TSHZ2: variants seen among roughly 807,000 people sequenced by gnomAD.
TSHZ2 encodes teashirt zinc finger homeobox 2.
A neutral mutation model predicts 74.4 loss-of-function variants in TSHZ2; 21 were observed. The ratio of observed to expected loss-of-function variants is 0.28; its 90% CI spans 0.20 to 0.41. The LOEUF (loss-of-function observed/expected upper bound fraction) is 0.41. Among genes scored for constraint, TSHZ2 ranks in the 10% least tolerant of loss-of-function variants. The pLI, the probability that TSHZ2 is intolerant of heterozygous loss-of-function variation, is 1.00. For missense variants in TSHZ2, 1,244 were observed against 1,293.5 expected (o/e 0.96, Z 0.59); for synonymous variants, 540 against 515.3 (o/e 1.05, Z -0.65).
chr20:53,142,511 A>G (rs1170826442), intron 1 of TSHZ2, among the ~76,000 whole-genome samples: 1 of 152,376 alleles, frequency 6.6e-6, no homozygotes. Flanking sequence ...GAGTTCCAAT[A>G]CAAGCACAGG....
intron 1 of TSHZ2, among the ~76,000 whole-genome samples, chr20:53,202,492 C>T (rs975123642): frequency 2.0e-5 from 3 of 151,994 alleles, no homozygotes; most frequent in Non-Finnish European, 2.9e-5. Flanking sequence ...TAGAATTTAG[C>T]GAACACTTAC....
At chr20:52,975,209 G>A (rs1229575732) in intron 1 of TSHZ2, among the ~76,000 whole-genome samples, 1 of 151,998 alleles carries the variant, frequency 6.6e-6, no homozygotes, top group Non-Finnish European at 1.5e-5. Flanking sequence ...GAGAACCCTG[G>A]GCTACGGTCC....
intron 1 of TSHZ2, among the ~76,000 whole-genome samples, chr20:53,017,877 A>G (rs1469465471): frequency 1.3e-5 from 2 of 152,190 alleles, no homozygotes; most frequent in Non-Finnish European, 1.5e-5. Flanking sequence ...CTCTTTCACA[A>G]TAGACTATGT....
intron 1 of TSHZ2, among the ~76,000 whole-genome samples, chr20:53,109,730 T>C (rs1395227007): frequency 1.3e-5 from 2 of 152,226 alleles, no homozygotes; most frequent in African/African-American, 4.8e-5. Flanking sequence ...CTGGTTATGA[T>C]AGAAACAGAA....
At chr20:53,474,100 A>G (rs1985916550) in intron 2 of TSHZ2, among the ~76,000 whole-genome samples, 2 of 150,392 alleles carry the variant, frequency 1.3e-5, no homozygotes, top group South Asian at 4.3e-4. Flanking sequence ...ATTATCCAGG[A>G]GAACTTCCCC....
At chr20:53,193,541 C>A (rs2123551614) in intron 1 of TSHZ2, among the ~76,000 whole-genome samples, 1 of 152,154 alleles carries the variant, frequency 6.6e-6, no homozygotes, top group African/African-American at 2.4e-5. Context: ...ATGACTGGAA[C>A]CAGATCTGTC....
At chr20:53,399,961 T>C (rs1019611720) in intron 2 of TSHZ2, 2 of 152,260 alleles carry the variant, frequency 1.3e-5, no homozygotes, top group Admixed American at 6.5e-5. Flanking sequence ...GGCCACTCAC[T>C]GTAGAGTGCA....
intron 2 of TSHZ2, among the ~76,000 whole-genome samples, chr20:53,321,052 A>G (rs1412906445): frequency 1.3e-5 from 2 of 152,204 alleles, no homozygotes; most frequent in African/African-American, 4.8e-5. Context: ...TTGGTCTGAA[A>G]TTCACCCAAC....
intron 1 of TSHZ2, among the ~76,000 whole-genome samples, chr20:52,998,724 T>C (rs1317074077): frequency 6.6e-6 from 1 of 152,180 alleles, no homozygotes; most frequent in Non-Finnish European, 1.5e-5. Context: ...ATGTCCAGTT[T>C]TATGACTCCC....
intron 2 of TSHZ2, among the ~76,000 whole-genome samples, chr20:53,257,410 T>C (rs779346257): frequency 2.0e-5 from 3 of 152,198 alleles, no homozygotes; most frequent in Non-Finnish European, 4.4e-5. Flanking sequence ...TGGAGTCCCA[T>C]AGCTTGAAGA....
At chr20:53,428,065 T>C (rs1366482678) in intron 2 of TSHZ2, among the ~76,000 whole-genome samples, 1 of 152,144 alleles carries the variant, frequency 6.6e-6, no homozygotes, top group African/African-American at 2.4e-5. Flanking sequence ...CTAACATCTC[T>C]ATTTTTAAGT....
chr20:53,047,641 A>C (rs2123116315), intron 1 of TSHZ2, among the ~76,000 whole-genome samples: 1 of 152,302 alleles, frequency 6.6e-6, no homozygotes, highest in South Asian at 2.1e-4. Flanking sequence ...TGAAAGAAAA[A>C]AGAAACAAAG....
intron 1 of TSHZ2, among the ~76,000 whole-genome samples, chr20:53,216,097 C>T (rs539015315): frequency 6.6e-6 from 1 of 152,258 alleles, no homozygotes; most frequent in African/African-American, 2.4e-5. Flanking sequence ...GACAGAAAGG[C>T]ACGACCTTAG....
intron 1 of TSHZ2, among the ~76,000 whole-genome samples, chr20:53,194,905 T>G (rs1988824517): frequency 6.6e-6 from 1 of 152,216 alleles, no homozygotes; most frequent in Non-Finnish European, 1.5e-5. Context: ...TTGCAAAGAT[T>G]ACAGAATGAG....
chr20:53,108,189 A>C (rs1040737353), intron 1 of TSHZ2, among the ~76,000 whole-genome samples: 1 of 152,208 alleles, frequency 6.6e-6, no homozygotes, highest in African/African-American at 2.4e-5. Flanking sequence ...TGAGAACCAC[A>C]ACTTTAGGAT....
intron 1 of TSHZ2, among the ~76,000 whole-genome samples, chr20:52,996,691 G>A (rs967099558): frequency 6.6e-6 from 1 of 152,168 alleles, no homozygotes; most frequent in African/African-American, 2.4e-5. Flanking sequence ...CTTTTCTCTT[G>A]TAGTTTATTC....
intron 1 of TSHZ2, among the ~76,000 whole-genome samples, chr20:53,115,492 T>A (rs963046923): frequency 6.6e-6 from 1 of 152,226 alleles, no homozygotes; most frequent in East Asian, 1.9e-4. Flanking sequence ...TCCACCATGA[T>A]TGTGAGGCCT....
intron 2 of TSHZ2, among the ~76,000 whole-genome samples, chr20:53,426,351 T>C (rs568548460): frequency 1.3e-5 from 2 of 152,280 alleles, no homozygotes; most frequent in South Asian, 2.1e-4. Flanking sequence ...CAGTCAACCA[T>C]TGGAGAAGGT....
At chr20:53,180,718 AATGT>A (rs1330126032) in intron 1 of TSHZ2, among the ~76,000 whole-genome samples, 1 of 152,184 alleles carries the variant, frequency 6.6e-6, no homozygotes, top group East Asian at 1.9e-4. Context: ...ACCAAAGCAG[AATGT>A]ATGTATGTAA....
Sources: gnomAD v4.1 joint callset for allele counts (sites outside exome capture counted in the v4.1 genomes callset) on GRCh38, gnomAD v4.1.1 for gene constraint, MANE v1.5 for transcripts, NCBI Gene and HGNC (gene_info 2026-07-23, HGNC 2026-07-21) for gene names.